The following TEAD1 variants were observed in gnomAD, a reference collection of about 807,000 sequenced individuals.
TEAD1 encodes transcriptional enhancer factor TEF-1.
TEAD1 carries 9 observed loss-of-function variants against 54.9 expected under a neutral mutation model. That is an observed-to-expected ratio of 0.16 (90% confidence interval 0.10 to 0.29). The LOEUF is 0.29. TEAD1 is among the 10% of genes least tolerant of loss of function. TEAD1 has a pLI of 1.00. For missense variants in TEAD1, 387 were observed against 535.9 expected, an observed-to-expected ratio of 0.72 and a Z score of 2.74; for synonymous variants, 200 against 187.8, an observed-to-expected ratio of 1.07 and a Z score of -0.53.
At chr11:12,828,792 A>ATTT (rs34175882) in intron 3 of TEAD1, among the ~76,000 whole-genome samples, 1 of 120,474 alleles carries the variant, frequency 8.3e-6, no homozygotes, top group Admixed American at 8.1e-5. Context: ...ATTGATTTGC[A>ATTT]TTTTTTTTTT....
chr11:12,884,095 G>A (rs1948034971), intron 9 of TEAD1, among the ~76,000 whole-genome samples: 1 of 151,828 alleles, frequency 6.6e-6, no homozygotes, highest in Non-Finnish European at 1.5e-5. Flanking sequence ...ATTGGCATCT[G>A]GACTCTATTT....
chr11:12,798,634 T>A (rs1590162836), intron 3 of TEAD1, among the ~76,000 whole-genome samples: 1 of 152,352 alleles, frequency 6.6e-6, no homozygotes, highest in Non-Finnish European at 1.5e-5. Flanking sequence ...CAAGAATGCC[T>A]TATGGTGTGT....
intron 3 of TEAD1, among the ~76,000 whole-genome samples, chr11:12,803,801 A>G (rs979644874): frequency 6.6e-6 from 1 of 152,214 alleles, no homozygotes; most frequent in Non-Finnish European, 1.5e-5. Flanking sequence ...TAAGTATTTT[A>G]AAGATGGGAA....
chr11:12,854,928 G>A (rs1406815606), intron 3 of TEAD1, among the ~76,000 whole-genome samples: 1 of 151,952 alleles, frequency 6.6e-6, no homozygotes, highest in Non-Finnish European at 1.5e-5. Context: ...CATAATTTTA[G>A]CATGTTTCTT....
rs34564715 is a variant in TEAD1, at chr11:12,783,098, T to TTGTGTGTGTG, written c.202+18691_202+18700dup. Among the ~76,000 whole-genome samples the TTGTGTGTGTG allele has an allele frequency of 1.7e-3, 243 of 139,358 alleles. 1 individual carries two copies. The highest frequency in any genetic ancestry group is 0.011 in the East Asian group (51 of 4,806). 91.4% of individuals were successfully genotyped at this position (139,358 alleles called of 152,430 possible). On this transcript the variant is annotated intron_variant, in intron 3 of 12. Coordinates refer to ENST00000527636, the MANE Select transcript of TEAD1 (RefSeq NM_021961.6). ...AGAAGTCACTAAACCAGGTAAGGGT[T>TTGTGTGTGTG]TGTGTGTGTGTGTGTGTGTGTGTGT...
intron 3 of TEAD1, among the ~76,000 whole-genome samples, chr11:12,796,556 C>G (rs977202679): frequency 1.3e-5 from 2 of 150,580 alleles, no homozygotes; most frequent in African/African-American, 4.9e-5. Context: ...TGAAACCAGT[C>G]TCCACAAAAA....
chr11:12,934,875 C>G (rs1352487431), intron 12 of TEAD1, among the ~76,000 whole-genome samples: 1 of 152,042 alleles, frequency 6.6e-6, no homozygotes, highest in Admixed American at 6.6e-5. Context: ...GTAAATAAAC[C>G]ATTGCAAGCA....
intron 3 of TEAD1, among the ~76,000 whole-genome samples, chr11:12,809,101 T>C (rs1005552448): frequency 3.3e-5 from 5 of 152,230 alleles, no homozygotes; most frequent in Admixed American, 3.3e-4. Flanking sequence ...TCTTTCCTAA[T>C]GAGTGTGGTC....
chr11:12,857,509 G>A (rs1252731210), intron 3 of TEAD1, among the ~76,000 whole-genome samples: 1 of 151,906 alleles, frequency 6.6e-6, no homozygotes, highest in East Asian at 1.9e-4. Flanking sequence ...GTAACTTAAA[G>A]TTAGCTTTAT....
rs188891961 is a variant in TEAD1 at position 12,788,222 on chromosome 11, C to T, written c.202+23788C>T. 4.4e-4 allele frequency among the ~76,000 whole-genome samples: 67 copies of T among 151,758 alleles called. 2 individuals are homozygous for T. Among genetic ancestry groups the T allele is most frequent in the African/African-American group, 1.5e-3 (62 of 41,346 alleles). ...CGCGACCTTGGCTCACTGCAACCTCCGCCTCCTGGGTTCAAGCAATTCCCC... is the reference window on the plus strand; with the variant it reads ...CGCGACCTTGGCTCACTGCAACCTCTGCCTCCTGGGTTCAAGCAATTCCCC... On this transcript the variant is annotated intron_variant, in intron 3 of 12. Coordinates refer to ENST00000527636, the MANE Select transcript of TEAD1 (RefSeq NM_021961.6).
chr11:12,745,827 CTAAA>C (rs1368129919), intron 2 of TEAD1, among the ~76,000 whole-genome samples: 2 of 152,050 alleles, frequency 1.3e-5, no homozygotes, highest in African/African-American at 4.8e-5. Flanking sequence ...GGTTGGGAAT[CTAAA>C]TGTGCCTGTT....
chr11:12,821,174 C>T lies in TEAD1; in HGVS notation c.203-41076C>T, dbSNP rs1054063264. Among the ~76,000 whole-genome samples, 14 of 152,178 alleles carry T rather than the reference C, an allele frequency of 9.2e-5. 1 individual carries two copies. The highest frequency in any genetic ancestry group is 7.2e-4 in the Admixed American group (11 of 15,274). ...ATCCTGTGTGGGATACTTGGCTTTT[C>T]AAGGGCCTGTGTATGGTGTGTTGTT... On this transcript the variant is annotated intron_variant, in intron 3 of 12. Coordinates refer to ENST00000527636, the MANE Select transcript of TEAD1 (RefSeq NM_021961.6).
intron 3 of TEAD1, 106 bp from the exon 4 acceptor site, chr11:12,862,144 T>A (rs1233859648): frequency 2.0e-5 from 17 of 853,372 alleles, no homozygotes; most frequent in Non-Finnish European, 9.8e-6. Context: ...AACACATAGT[T>A]GTAATTTTAA....
At chr11:12,837,301 A>AGACT (rs1554940087) in intron 3 of TEAD1, among the ~76,000 whole-genome samples, 28 of 152,134 alleles carry the variant, frequency 1.8e-4, no homozygotes, top group Non-Finnish European at 3.7e-4. Context: ...ATTTCTGCAA[A>AGACT]CAAGAAAAGG....
intron 2 of TEAD1, among the ~76,000 whole-genome samples, chr11:12,703,557 A>G (rs1943748087): frequency 6.6e-6 from 1 of 152,148 alleles, no homozygotes; most frequent in Non-Finnish European, 1.5e-5. Flanking sequence ...TGCTTTCTTT[A>G]GCCCATAAGT....
chr11:12,778,052 G>A (rs1261002162), intron 3 of TEAD1, among the ~76,000 whole-genome samples: 3 of 152,220 alleles, frequency 2.0e-5, no homozygotes, highest in African/African-American at 7.2e-5. Context: ...GCCAGGTACT[G>A]TTCTGAACAC....
rs1949146265 is a variant in TEAD1, at chr11:12,940,115, T to G, written c.*2893T>G. 1.3e-5 allele frequency: 2 copies of G among 152,238 alleles called. No homozygotes were observed. The highest frequency in any genetic ancestry group is 4.8e-5 in the African/African-American group (2 of 41,456). 9.4% of individuals were successfully genotyped at this position (152,238 alleles called of 1,614,324 possible). A position where few individuals can be genotyped will look rare whatever the true frequency, so the allele number is the denominator to read the frequency against. Reference sequence around the variant, plus strand: ...GCCTAAACAGGGAGGAGCTGCAGAATGGGGCTCTGGTCTCTGGGCATTCAT... The same window carrying G: ...GCCTAAACAGGGAGGAGCTGCAGAAGGGGGCTCTGGTCTCTGGGCATTCAT... On this transcript the variant is annotated 3_prime_UTR_variant, in exon 13 of 13. Coordinates refer to ENST00000527636, the MANE Select transcript of TEAD1 (RefSeq NM_021961.6).
chr11:12,701,218 AT>A (rs567324638), intron 2 of TEAD1, among the ~76,000 whole-genome samples: 12 of 150,434 alleles, frequency 8.0e-5, no homozygotes, highest in Middle Eastern at 3.4e-3. Flanking sequence ...GTTTACTTAG[AT>A]TTTTTTTTTC....
intron 10 of TEAD1, among the ~76,000 whole-genome samples, chr11:12,908,883 GT>G (rs60042137): frequency 3.8e-4 from 38 of 99,608 alleles, no homozygotes; most frequent in Admixed American, 7.8e-4. Context: ...CAAATTATCT[GT>G]TTTTTTTTTT....
Sources: gnomAD v4.1 joint callset for allele counts (sites outside exome capture counted in the v4.1 genomes callset) on GRCh38, gnomAD v4.1.1 for gene constraint, MANE v1.5 for transcripts, NCBI Gene and HGNC (gene_info 2026-07-23, HGNC 2026-07-21) for gene names.